Variants in RAB27A observed in about 807,000 individuals in gnomAD.
The protein encoded by RAB27A is ras-related protein Rab-27A.
In RAB27A, 17 loss-of-function variants were observed where a neutral mutation model predicts 20.8. The ratio of observed to expected loss-of-function variants is 0.82; its 90% CI spans 0.56 to 1.23. RAB27A has a LOEUF of 1.23. Ranked by LOEUF, RAB27A falls within the 50% of genes most tolerant of loss-of-function variation. The pLI, the probability that RAB27A is intolerant of heterozygous loss-of-function variation, is 0.00. For synonymous variants in RAB27A, 85 were observed against 92.8 expected, an observed-to-expected ratio of 0.92 and a Z score of 0.48; for missense variants, 277 against 266.7, an observed-to-expected ratio of 1.04 and a Z score of -0.27.
rs1895992884 is a variant in RAB27A, at chr15:55,230,569, C to T, written c.154-83G>A. 13 of 1,092,940 alleles carry T rather than the reference C, an allele frequency of 1.2e-5. 1 individual carries two copies. In the South Asian group the frequency reaches 1.5e-4, roughly 13 times the overall value. 67.7% of individuals were successfully genotyped at this position (1,092,940 alleles called of 1,614,324 possible). ...CTCACCTTTTTGTTCAGTACAAATC[C>T]CAAAGGCATCTAAAATTCCAAAGAG... On this transcript the variant is annotated intron_variant, in intron 3 of 6. Coordinates refer to ENST00000336787, the MANE Select transcript of RAB27A (RefSeq NM_183235.3).
At chr15:55,236,879 T>C (rs1017561669) in intron 2 of RAB27A, among the ~76,000 whole-genome samples, 1 of 152,184 alleles carries the variant, frequency 6.6e-6, no homozygotes, top group Admixed American at 6.6e-5. Context: ...TCTAGCTATT[T>C]TAAAATACAC....
At chr15:55,316,808 A>C (rs1443970960) in intron 1 of RAB27A, among the ~76,000 whole-genome samples, 1 of 152,086 alleles carries the variant, frequency 6.6e-6, no homozygotes, top group East Asian at 1.9e-4. Flanking sequence ...CTTCTCTAAA[A>C]CCTCAATTTG....
chr15:55,317,417 T>TGA (rs1461609357), intron 1 of RAB27A: 1 of 233,860 alleles, frequency 4.3e-6, no homozygotes, highest in African/African-American at 2.3e-5. Context: ...CAGGTTCAAG[T>TGA]GATGCTCCTG....
chr15:55,263,757 CTT>C (rs1897358062), intron 2 of RAB27A, among the ~76,000 whole-genome samples: 1 of 143,146 alleles, frequency 7.0e-6, no homozygotes, highest in South Asian at 2.2e-4. Flanking sequence ...CTTAAAAAAA[CTT>C]TGCCAAGTTT....
chr15:55,210,114 A>T (rs1196921237), intron 6 of RAB27A, among the ~76,000 whole-genome samples: 1 of 143,564 alleles, frequency 7.0e-6, no homozygotes, highest in Non-Finnish European at 1.5e-5. Context: ...ATACACACAT[A>T]CACATATGTA....
chr15:55,259,507 G>A (rs773900639), intron 2 of RAB27A, among the ~76,000 whole-genome samples: 6 of 150,900 alleles, frequency 4.0e-5, no homozygotes, highest in African/African-American at 1.2e-4. Context: ...AGCTAGTCTT[G>A]AACTCCTAGT....
chr15:55,232,071 T>C (rs1170644607), intron 3 of RAB27A, among the ~76,000 whole-genome samples: 1 of 152,198 alleles, frequency 6.6e-6, no homozygotes, highest in Non-Finnish European at 1.5e-5. Context: ...ACTTTGAGGT[T>C]CTTCTCAGGC....
chr15:55,208,916 A>G (rs906775047), intron 6 of RAB27A, among the ~76,000 whole-genome samples: 1 of 152,236 alleles, frequency 6.6e-6, no homozygotes, highest in Non-Finnish European at 1.5e-5. Flanking sequence ...TGCTATAGGA[A>G]GTAGATATAG....
intron 5 of RAB27A, among the ~76,000 whole-genome samples, chr15:55,225,407 T>C (rs114030475): frequency 0.028 from 4,284 of 152,278 alleles, 202 homozygotes; most frequent in African/African-American, 0.095. Flanking sequence ...AGGATTAAAA[T>C]GAATTAATCC....
intron 2 of RAB27A, among the ~76,000 whole-genome samples, chr15:55,305,293 G>A (rs1477683352): frequency 6.6e-6 from 1 of 152,194 alleles, no homozygotes; most frequent in Admixed American, 6.5e-5. Context: ...CTGGGGCATG[G>A]TAGGGGCTGT....
intron 5 of RAB27A, 143 bp from the exon 6 acceptor site, chr15:55,224,155 A>C (rs748480044): frequency 4.6e-6 from 3 of 658,520 alleles, no homozygotes; most frequent in South Asian, 1.8e-5. Context: ...AGCATCAGTA[A>C]TCTTATCTGT....
At chr15:55,218,607 T>C (rs1895421376) in intron 6 of RAB27A, among the ~76,000 whole-genome samples, 1 of 152,202 alleles carries the variant, frequency 6.6e-6, no homozygotes. Flanking sequence ...CCTCTTTCAT[T>C]CCAGAACTCT....
At position 55,261,798 on chromosome 15, in the gene RAB27A, G is replaced by A. The variant is rs921812785; in HGVS notation, c.-23+8367C>T. 6.7e-5 allele frequency among the ~76,000 whole-genome samples: 10 copies of A among 150,088 alleles called. No homozygotes were observed. In the East Asian group the frequency reaches 1.4e-3, roughly 21 times the overall value. ...CTCATGCCTGTAATCCCAGCACTTT[G>A]GAAGGCCGAGGTGGGTGGATCATGA... On this transcript the variant is annotated intron_variant, in intron 2 of 6. Coordinates refer to ENST00000336787, the MANE Select transcript of RAB27A (RefSeq NM_183235.3).
At chr15:55,215,029 T>C (rs1204160600) in intron 6 of RAB27A, among the ~76,000 whole-genome samples, 1 of 152,142 alleles carries the variant, frequency 6.6e-6, no homozygotes. Flanking sequence ...CTTTCAGAAA[T>C]ACATTACATG....
chr15:55,223,785 G>A, intron 6 of RAB27A, 104 bp downstream of exon 6: 1 of 1,392,778 alleles, frequency 7.2e-7, no homozygotes, highest in African/African-American at 1.4e-5. Context: ...GCCTATGGCT[G>A]AGGTTTTGCT....
At position 55,281,749 on chromosome 15, in the gene RAB27A, G is replaced by A. The variant is rs574175009; in HGVS notation, c.-143+7967C>T. 2.6e-5 allele frequency among the ~76,000 whole-genome samples: 4 copies of A among 151,652 alleles called. No homozygotes were observed. In the East Asian group the frequency reaches 7.8e-4, roughly 29 times the overall value. On this transcript the variant is annotated intron_variant, in intron 1 of 6. Coordinates refer to ENST00000336787, the MANE Select transcript of RAB27A (RefSeq NM_183235.3). Reference sequence around the variant, plus strand: ...GAAGGGAAGGGGGAATGGAAGGGAGGAAGGAAGGTAGGAAAGGAAAAGAGA... The same window carrying A: ...GAAGGGAAGGGGGAATGGAAGGGAGAAAGGAAGGTAGGAAAGGAAAAGAGA...
chr15:55,315,454 G>T (rs4354865), intron 1 of RAB27A, among the ~76,000 whole-genome samples: 11 of 151,914 alleles, frequency 7.2e-5, no homozygotes, highest in Admixed American at 2.0e-4. Context: ...AGAAACTATC[G>T]TGAGAGTGAA....
At chr15:55,256,238 G>C (rs1897074267) in intron 2 of RAB27A, among the ~76,000 whole-genome samples, 1 of 151,962 alleles carries the variant, frequency 6.6e-6, no homozygotes, top group South Asian at 2.1e-4. Context: ...AACATAATGA[G>C]ATGCTGTTGT....
At chr15:55,244,127 C>T (rs1160555459) in intron 2 of RAB27A, among the ~76,000 whole-genome samples, 1 of 151,954 alleles carries the variant, frequency 6.6e-6, no homozygotes, top group African/African-American at 2.4e-5. Context: ...ATGGTGAAAC[C>T]CCATCTCTGC....
Sources: allele counts gnomAD v4.1 joint callset (sites outside exome capture counted in the v4.1 genomes callset), GRCh38; gene constraint gnomAD v4.1.1; transcripts MANE v1.5; gene names NCBI Gene and HGNC (gene_info 2026-07-23, HGNC 2026-07-21).